SHROOM3: variants seen among roughly 807,000 people sequenced by gnomAD.
SHROOM3 encodes the protein protein Shroom3.
SHROOM3 carries 47 observed loss-of-function variants against 138.6 expected under a neutral mutation model. The observed-to-expected ratio is 0.34, with a 90% confidence interval of 0.27 to 0.43. SHROOM3 has a LOEUF of 0.43. Ranked by LOEUF, SHROOM3 falls within the 20% of genes least tolerant of loss-of-function variation. The probability of loss-of-function intolerance (pLI) is 1.00; values close to 1 mark genes in which losing one functional copy is unlikely to be tolerated. For synonymous variants in SHROOM3, 1,062 were observed against 1,063.3 expected (o/e 1.00, Z 0.02); for missense variants, 2,491 against 2,596.5 (o/e 0.96, Z 0.88).
At chr4:76,634,271 A>T (rs1735428009) in intron 2 of SHROOM3, among the ~76,000 whole-genome samples, 1 of 152,132 alleles carries the variant, frequency 6.6e-6, no homozygotes, top group Non-Finnish European at 1.5e-5. Flanking sequence ...GCATTTCCTG[A>T]GGAGTAATAA....
At chr4:76,689,498 G>T (rs1158506332) in intron 2 of SHROOM3, 8 of 981,276 alleles carry the variant, frequency 8.2e-6, no homozygotes, top group African/African-American at 3.5e-5. Context: ...CTCCAGCCGC[G>T]CTGCCCCGGC....
chr4:76,725,134 G>A (rs1225379743), intron 3 of SHROOM3, among the ~76,000 whole-genome samples: 1 of 145,270 alleles, frequency 6.9e-6, no homozygotes, highest in Admixed American at 6.9e-5. Flanking sequence ...CTTTTGATTT[G>A]CTTCCCCCTC....
At chr4:76,504,488 C>T (rs547433227) in intron 1 of SHROOM3, among the ~76,000 whole-genome samples, 4 of 152,090 alleles carry the variant, frequency 2.6e-5, no homozygotes, top group African/African-American at 9.7e-5. Flanking sequence ...CTCCTGCCTC[C>T]TTTTGATAAA....
At chr4:76,595,990 G>A (rs1299222252) in intron 2 of SHROOM3, among the ~76,000 whole-genome samples, 1 of 152,100 alleles carries the variant, frequency 6.6e-6, no homozygotes, top group Non-Finnish European at 1.5e-5. Flanking sequence ...TGTTTTCTGT[G>A]TACTTTACCC....
At chr4:76,639,533 T>C (rs1462415615) in intron 2 of SHROOM3, 1 of 398,642 alleles carries the variant, frequency 2.5e-6, no homozygotes, top group Non-Finnish European at 4.4e-6. Context: ...TCCTCTCCCA[T>C]GCCAATCTCA....
intron 10 of SHROOM3, among the ~76,000 whole-genome samples, chr4:76,774,557 A>G (rs1722479467): frequency 6.6e-6 from 1 of 152,112 alleles, no homozygotes; most frequent in African/African-American, 2.4e-5. Flanking sequence ...TGATAGGTAC[A>G]CAGAGTGATT....
At chr4:76,725,084 TTTTG>T (rs953900398) in intron 3 of SHROOM3, among the ~76,000 whole-genome samples, 10 of 152,298 alleles carry the variant, frequency 6.6e-5, no homozygotes, top group African/African-American at 2.2e-4. Context: ...AAAAGTTGTT[TTTTG>T]TTTTTTTTTC....
intron 1 of SHROOM3, among the ~76,000 whole-genome samples, chr4:76,511,147 A>C (rs1732327194): frequency 6.6e-6 from 1 of 151,532 alleles, no homozygotes; most frequent in African/African-American, 2.4e-5. Flanking sequence ...ACGCCACTGC[A>C]CTCCAGCCTG....
intron 1 of SHROOM3, among the ~76,000 whole-genome samples, chr4:76,543,643 G>A (rs28522284): frequency 0.19 from 29,597 of 151,972 alleles, 3,142 homozygotes; most frequent in East Asian, 0.37. Context: ...CTTACAGAGT[G>A]GTCATCATCT....
At chr4:76,482,782 G>GTAC (rs1731644628) in intron 1 of SHROOM3, among the ~76,000 whole-genome samples, 1 of 152,094 alleles carries the variant, frequency 6.6e-6, no homozygotes, top group Admixed American at 6.6e-5. Context: ...AAACAGCATG[G>GTAC]TACTGGTACC....
intron 2 of SHROOM3, among the ~76,000 whole-genome samples, chr4:76,580,446 C>CTT (rs869200924): frequency 0.013 from 1,118 of 87,858 alleles, 10 homozygotes; most frequent in African/African-American, 0.024. Context: ...TGGGCAAGTT[C>CTT]TTTTTTTTTT....
At chr4:76,532,072 G>A (rs1352945315) in intron 1 of SHROOM3, 4 of 101,136 alleles carry the variant, frequency 4.0e-5, no homozygotes, top group Non-Finnish European at 5.5e-5. Context: ...CCCATCCCAT[G>A]ACAGGCCCTG....
intron 1 of SHROOM3, among the ~76,000 whole-genome samples, chr4:76,520,053 AAATATTATCCAGAGTGGAACTG>A (rs1481825699): frequency 6.6e-6 from 1 of 152,188 alleles, no homozygotes; most frequent in African/African-American, 2.4e-5. Flanking sequence ...TTACAACCCA[AAATATTATCCAGAGTGGAACTG>A]AATACTCCAG....
chr4:76,727,111 G>T (rs766691322), intron 3 of SHROOM3, among the ~76,000 whole-genome samples: 3 of 152,198 alleles, frequency 2.0e-5, no homozygotes, highest in Admixed American at 6.5e-5. Flanking sequence ...TAGTGGGAAT[G>T]AGCAGTAGGA....
At chr4:76,760,361 G>C (rs1276175971) in intron 9 of SHROOM3, among the ~76,000 whole-genome samples, 2 of 152,158 alleles carry the variant, frequency 1.3e-5, no homozygotes, top group Non-Finnish European at 2.9e-5. Flanking sequence ...GTGTCTGCAG[G>C]GGAGAAAGTT....
At chr4:76,460,012 T>C (rs1413275754) in intron 1 of SHROOM3, among the ~76,000 whole-genome samples, 1 of 152,200 alleles carries the variant, frequency 6.6e-6, no homozygotes, top group Non-Finnish European at 1.5e-5. Context: ...TTTGTTACAT[T>C]ACCCAGGAAT....
intron 1 of SHROOM3, among the ~76,000 whole-genome samples, chr4:76,527,985 C>T (rs988310907): frequency 5.9e-5 from 9 of 152,192 alleles, no homozygotes; most frequent in African/African-American, 2.2e-4. Context: ...GGGGCAACAA[C>T]TGCAATGCCT....
intron 2 of SHROOM3, among the ~76,000 whole-genome samples, chr4:76,690,637 C>A (rs1719500515): frequency 6.6e-6 from 1 of 152,140 alleles, no homozygotes; most frequent in African/African-American, 2.4e-5. Flanking sequence ...TAGATCTTTC[C>A]CCCAAAAAAT....
At chr4:76,471,867 A>G (rs1006404373) in intron 1 of SHROOM3, among the ~76,000 whole-genome samples, 5 of 151,188 alleles carry the variant, frequency 3.3e-5, no homozygotes, top group African/African-American at 7.3e-5. Context: ...TGGGCATCAG[A>G]GTTACCTAGG....
Sources: gnomAD v4.1 joint callset for allele counts (sites outside exome capture counted in the v4.1 genomes callset) on GRCh38, gnomAD v4.1.1 for gene constraint, MANE v1.5 for transcripts, NCBI Gene and HGNC (gene_info 2026-07-23, HGNC 2026-07-21) for gene names.